The following SORCS1 variants were observed in gnomAD, a reference collection of about 807,000 sequenced individuals.
SORCS1 encodes VPS10 domain-containing receptor SorCS1.
SORCS1 carries 60 observed loss-of-function variants against 146.1 expected under a neutral mutation model. That is an observed-to-expected ratio of 0.41 (90% CI 0.33 to 0.51). SORCS1 has a LOEUF of 0.51. SORCS1 is among the 20% of genes least tolerant of loss of function. The pLI is 0.21. For synonymous variants in SORCS1, 637 were observed against 584.0 expected, an observed-to-expected ratio of 1.09 and a Z score of -1.31; for missense variants, 1,352 against 1,487.6, an observed-to-expected ratio of 0.91 and a Z score of 1.50.
intron 10 of SORCS1, among the ~76,000 whole-genome samples, chr10:106,681,892 C>T (rs549710042): frequency 2.6e-5 from 4 of 152,128 alleles, no homozygotes; most frequent in Non-Finnish European, 5.9e-5. Context: ...CTTCGGGAGG[C>T]CAAGGTGGGT....
intron 2 of SORCS1, among the ~76,000 whole-genome samples, chr10:106,933,274 G>T (rs989237082): frequency 6.6e-6 from 1 of 151,998 alleles, no homozygotes; most frequent in African/African-American, 2.4e-5. Flanking sequence ...AAATCACCTG[G>T]GTAGCTTTTA....
rs76525733 is a variant in SORCS1, at chr10:106,644,090, T to C, written c.2475+8292A>G. On this transcript the variant is annotated intron_variant, in intron 18 of 25. Coordinates refer to ENST00000263054, the MANE Select transcript of SORCS1 (RefSeq NM_052918.5). ...CTAAGCATACCAGAAAGGTTTTTCT[T>C]ATTTTTCCTTTTTTTGCCCAAATAC... 1.3e-4 allele frequency among the ~76,000 whole-genome samples: 20 copies of C among 152,340 alleles called. No homozygotes were observed. In the East Asian group the frequency reaches 3.3e-3, roughly 25 times the overall value.
intron 11 of SORCS1, 73 bp from the exon 12 acceptor site, chr10:106,679,405 A>G (rs1589647700): frequency 8.0e-7 from 1 of 1,247,054 alleles, no homozygotes; most frequent in Admixed American, 1.9e-5. Flanking sequence ...TGGCAGGTGC[A>G]CTGCCTGAGA....
At chr10:107,050,712 A>G (rs1960020496) in intron 1 of SORCS1, among the ~76,000 whole-genome samples, 1 of 152,184 alleles carries the variant, frequency 6.6e-6, no homozygotes, top group Non-Finnish European at 1.5e-5. Flanking sequence ...TTCTTACAGC[A>G]CAGAGGAAAT....
chr10:107,091,553 A>G (rs1170111194), intron 1 of SORCS1, among the ~76,000 whole-genome samples: 16 of 152,198 alleles, frequency 1.1e-4, no homozygotes, highest in Admixed American at 1.0e-3. Context: ...TGTCTGTTTT[A>G]AAGTCATCTT....
intron 1 of SORCS1, among the ~76,000 whole-genome samples, chr10:107,094,338 G>C (rs945415972): frequency 6.6e-6 from 1 of 152,070 alleles, no homozygotes; most frequent in Admixed American, 6.5e-5. Context: ...TTTCTGTTAA[G>C]TATTCTTCCA....
At chr10:106,802,820 A>G (rs1012489478) in intron 3 of SORCS1, among the ~76,000 whole-genome samples, 7 of 152,034 alleles carry the variant, frequency 4.6e-5, no homozygotes, top group African/African-American at 1.7e-4. Context: ...TTTTTAGTAG[A>G]GACAGGGTTT....
intron 17 of SORCS1, among the ~76,000 whole-genome samples, chr10:106,663,844 G>A (rs1850923646): frequency 6.6e-6 from 1 of 152,158 alleles, no homozygotes; most frequent in African/African-American, 2.4e-5. Flanking sequence ...GATCAGTGGG[G>A]TTATTATTGA....
intron 4 of SORCS1, among the ~76,000 whole-genome samples, chr10:106,765,535 G>A (rs1218214342): frequency 1.3e-5 from 2 of 152,042 alleles, no homozygotes; most frequent in East Asian, 1.9e-4. Context: ...CATCTCTGGC[G>A]CCATCCTCTG....
At chr10:106,706,209 A>AG (rs150821237) in intron 8 of SORCS1, among the ~76,000 whole-genome samples, 119,584 of 149,626 alleles carry the variant, frequency 0.8, 50,205 homozygotes, top group Non-Finnish European at 0.94. Flanking sequence ...AAAGAAAGAA[A>AG]AAAGAAAGAA....
At chr10:106,962,440 A>G (rs574936191) in intron 1 of SORCS1, among the ~76,000 whole-genome samples, 2 of 151,670 alleles carry the variant, frequency 1.3e-5, no homozygotes, top group Non-Finnish European at 1.5e-5. Context: ...GAAAAAGAAA[A>G]TGGGGACATA....
chr10:107,128,220 C>T (rs1434736255), intron 1 of SORCS1, among the ~76,000 whole-genome samples: 1 of 152,090 alleles, frequency 6.6e-6, no homozygotes, highest in Non-Finnish European at 1.5e-5. Context: ...AGCCCTTCTT[C>T]CAGAAAAAAA....
At chr10:106,955,196 G>A (rs1483744275) in intron 2 of SORCS1, among the ~76,000 whole-genome samples, 1 of 152,242 alleles carries the variant, frequency 6.6e-6, no homozygotes, top group African/African-American at 2.4e-5. Flanking sequence ...CCCAAGCCAG[G>A]GCTGTGTTAT....
At chr10:107,080,540 T>C (rs1384164070) in intron 1 of SORCS1, among the ~76,000 whole-genome samples, 5 of 152,216 alleles carry the variant, frequency 3.3e-5, no homozygotes, top group African/African-American at 1.2e-4. Flanking sequence ...TATTTATTGA[T>C]AAGCTTTTCC....
Position 107,148,694 on chromosome 10 carries a change from A to G in SORCS1, c.558+15275T>C, listed in dbSNP as rs140764616. On this transcript the variant is annotated intron_variant, in intron 1 of 25. Transcript: ENST00000263054. ...TTGAGTAAGAGGTACTAGGGTACTT[A>G]TAAAGTTGGTGAGCTTTTAAGGCAA... 7.6e-4 allele frequency among the ~76,000 whole-genome samples: 116 copies of G among 152,324 alleles called. 1 individual carries two copies. The highest frequency in any genetic ancestry group is 3.9e-3 in the South Asian group (19 of 4,830).
intron 1 of SORCS1, among the ~76,000 whole-genome samples, chr10:107,007,099 A>G (rs1387799092): frequency 6.6e-6 from 1 of 152,210 alleles, no homozygotes; most frequent in East Asian, 1.9e-4. Flanking sequence ...ACCTTGGTCT[A>G]AAACTTCCCC....
chr10:106,950,204 CT>C (rs1380507880), intron 2 of SORCS1, among the ~76,000 whole-genome samples: 1 of 152,228 alleles, frequency 6.6e-6, no homozygotes, highest in African/African-American at 2.4e-5. Flanking sequence ...AAATCACCAA[CT>C]TGCTCCAAGA....
chr10:106,976,992 A>C (rs963197557), intron 1 of SORCS1, among the ~76,000 whole-genome samples: 1 of 152,214 alleles, frequency 6.6e-6, no homozygotes, highest in Admixed American at 6.5e-5. Context: ...CAGTGCTGCA[A>C]TAAACATACA....
intron 4 of SORCS1, among the ~76,000 whole-genome samples, chr10:106,770,252 T>C (rs1435388036): frequency 6.6e-6 from 1 of 152,168 alleles, no homozygotes; most frequent in Non-Finnish European, 1.5e-5. Flanking sequence ...TTCTGTTTAT[T>C]TCATAAACTG....
Sources: gnomAD v4.1 joint callset for allele counts (sites outside exome capture counted in the v4.1 genomes callset) on GRCh38, gnomAD v4.1.1 for gene constraint, MANE v1.5 for transcripts, NCBI Gene and HGNC (gene_info 2026-07-23, HGNC 2026-07-21) for gene names.